The following PTPRD variants were observed in gnomAD, a reference collection of about 807,000 sequenced individuals.
PTPRD encodes the protein receptor-type tyrosine-protein phosphatase delta.
PTPRD carries 34 observed loss-of-function variants against 214.5 expected under a neutral mutation model. The ratio of observed to expected loss-of-function variants is 0.16; its 90% CI spans 0.12 to 0.21. The LOEUF (loss-of-function observed/expected upper bound fraction) is 0.21. Among genes scored for constraint, PTPRD ranks in the 10% least tolerant of loss-of-function variants. The pLI is 1.00. For synonymous variants in PTPRD, 1,128 were observed against 845.7 expected, an observed-to-expected ratio of 1.33 and a Z score of -5.79; for missense variants, 2,545 against 2,398.7, an observed-to-expected ratio of 1.06 and a Z score of -1.27.
intron 11 of PTPRD, among the ~76,000 whole-genome samples, chr9:8,836,587 CTTTTTTTTT>C (rs34572407): frequency 9.0e-5 from 6 of 66,802 alleles, no homozygotes; most frequent in African/African-American, 1.3e-4. Context: ...TAATAAAAAC[CTTTTTTTTT>C]TTTTTTTTTT....
intron 3 of PTPRD, among the ~76,000 whole-genome samples, chr9:10,116,091 A>C (rs928160684): frequency 3.3e-5 from 5 of 152,142 alleles, no homozygotes; most frequent in African/African-American, 9.7e-5. Context: ...CAGGCTTAAC[A>C]AGCGGGAGTA....
chr9:9,507,942 G>C (rs1419142405), intron 8 of PTPRD, among the ~76,000 whole-genome samples: 3 of 151,148 alleles, frequency 2.0e-5, no homozygotes, highest in Non-Finnish European at 1.5e-5. Context: ...TTTCAGAAGG[G>C]GAAAATGAGC....
At chr9:9,595,941 G>A (rs887040608) in intron 7 of PTPRD, among the ~76,000 whole-genome samples, 18 of 145,460 alleles carry the variant, frequency 1.2e-4, no homozygotes, top group Non-Finnish European at 2.1e-4. Context: ...AATAACCTAT[G>A]GAAATAAAAA....
At chr9:10,007,736 T>C (rs1173457158) in intron 4 of PTPRD, among the ~76,000 whole-genome samples, 3 of 152,008 alleles carry the variant, frequency 2.0e-5, no homozygotes, top group Non-Finnish European at 4.4e-5. Flanking sequence ...AAATTGTGAA[T>C]AGCTTCAGCA....
chr9:9,093,327 A>C (rs566466442), intron 10 of PTPRD, among the ~76,000 whole-genome samples: 3 of 152,238 alleles, frequency 2.0e-5, no homozygotes, highest in Admixed American at 2.0e-4. Flanking sequence ...ACTAGTAGTC[A>C]ACTTGATGTA....
chr9:8,968,326 C>T (rs1321138723), intron 11 of PTPRD, among the ~76,000 whole-genome samples: 1 of 152,060 alleles, frequency 6.6e-6, no homozygotes, highest in African/African-American at 2.4e-5. Context: ...TAAGGAATTG[C>T]CACACTGTCT....
chr9:9,832,505 A>C (rs1267009673), intron 5 of PTPRD, among the ~76,000 whole-genome samples: 1 of 152,012 alleles, frequency 6.6e-6, no homozygotes, highest in South Asian at 2.1e-4. Flanking sequence ...GCATGCCTAA[A>C]AATTAATTTA....
intron 2 of PTPRD, among the ~76,000 whole-genome samples, chr9:10,364,832 C>T (rs370178702): frequency 5.9e-5 from 9 of 152,220 alleles, no homozygotes; most frequent in African/African-American, 1.9e-4. Context: ...TCTATATTTT[C>T]GTAGCTCACT....
At chr9:9,850,937 GA>G (rs1441905176) in intron 5 of PTPRD, among the ~76,000 whole-genome samples, 1 of 152,098 alleles carries the variant, frequency 6.6e-6, no homozygotes, top group African/African-American at 2.4e-5. Flanking sequence ...AAAGGCTTTG[GA>G]AAATGTTAAA....
intron 9 of PTPRD, among the ~76,000 whole-genome samples, chr9:9,354,369 A>G (rs1271205040): frequency 1.3e-5 from 2 of 151,858 alleles, no homozygotes; most frequent in African/African-American, 2.4e-5. Flanking sequence ...TCAAAGGAAG[A>G]TTTTATACAC....
At chr9:9,375,560 C>T (rs1416131773) in intron 9 of PTPRD, among the ~76,000 whole-genome samples, 4 of 152,132 alleles carry the variant, frequency 2.6e-5, no homozygotes, top group African/African-American at 9.7e-5. Flanking sequence ...TGCGCCACTG[C>T]ACTCTAGCCT....
At chr9:9,853,131 G>A (rs1473016681) in intron 5 of PTPRD, among the ~76,000 whole-genome samples, 2 of 152,168 alleles carry the variant, frequency 1.3e-5, no homozygotes, top group African/African-American at 4.8e-5. Context: ...TCGGCAGAAG[G>A]AGTGCTAAAT....
chr9:9,610,250 A>G (rs894832084), intron 7 of PTPRD, among the ~76,000 whole-genome samples: 2 of 152,206 alleles, frequency 1.3e-5, no homozygotes, highest in African/African-American at 4.8e-5. Context: ...CAACTACAAC[A>G]TTATGCAGCC....
At chr9:9,481,725 G>C (rs1414867614) in intron 8 of PTPRD, among the ~76,000 whole-genome samples, 2 of 151,934 alleles carry the variant, frequency 1.3e-5, no homozygotes, top group Non-Finnish European at 2.9e-5. Context: ...CAGTGCTGGC[G>C]TTCAGTTCTA....
intron 2 of PTPRD, among the ~76,000 whole-genome samples, chr9:10,505,748 T>C (rs1251007302): frequency 2.0e-5 from 3 of 151,938 alleles, no homozygotes; most frequent in African/African-American, 7.3e-5. Flanking sequence ...AGAAATACTA[T>C]TTTAAGTGAG....
intron 7 of PTPRD, among the ~76,000 whole-genome samples, chr9:9,727,667 A>G (rs757031763): frequency 2.0e-5 from 3 of 152,122 alleles, no homozygotes; most frequent in Non-Finnish European, 4.4e-5. Flanking sequence ...ATATAATGTA[A>G]TTTTTGCTTA....
chr9:8,997,059 A>T (rs1042315388), intron 11 of PTPRD, among the ~76,000 whole-genome samples: 1 of 152,088 alleles, frequency 6.6e-6, no homozygotes, highest in African/African-American at 2.4e-5. Flanking sequence ...CCTGCACTAG[A>T]GTCTCATTTC....
At chr9:9,570,018 C>G (rs2085865200) in intron 8 of PTPRD, among the ~76,000 whole-genome samples, 2 of 151,324 alleles carry the variant, frequency 1.3e-5, no homozygotes, top group Non-Finnish European at 1.5e-5. Flanking sequence ...CTCCATTTTT[C>G]CCATATATTT....
intron 5 of PTPRD, among the ~76,000 whole-genome samples, chr9:9,915,426 A>G (rs150824676): frequency 6.6e-5 from 10 of 152,162 alleles, no homozygotes; most frequent in African/African-American, 2.4e-4. Context: ...AATTCAAAAT[A>G]ATAAATCTTA....
Sources: gnomAD v4.1 joint callset for allele counts (sites outside exome capture counted in the v4.1 genomes callset) on GRCh38, gnomAD v4.1.1 for gene constraint, MANE v1.5 for transcripts, NCBI Gene and HGNC (gene_info 2026-07-23, HGNC 2026-07-21) for gene names.